NT5M: variants seen among roughly 807,000 people sequenced by gnomAD.
NT5M encodes the protein 5'(3')-deoxyribonucleotidase, mitochondrial.
A neutral mutation model predicts 22.2 loss-of-function variants in NT5M; 22 were observed. The ratio of observed to expected loss-of-function variants is 0.99; its 90% CI spans 0.71 to 1.41. NT5M has a LOEUF of 1.41. Ranked by LOEUF, NT5M falls within the 40% of genes most tolerant of loss-of-function variation. NT5M has a pLI of 0.00. For missense variants in NT5M, 322 were observed against 314.8 expected (o/e 1.02, Z -0.17); for synonymous variants, 167 against 133.0 (o/e 1.26, Z -1.76).
intron 3 of NT5M, among the ~76,000 whole-genome samples, chr17:17,337,273 G>T (rs530283664): frequency 1.8e-4 from 28 of 152,108 alleles, no homozygotes; most frequent in African/African-American, 6.5e-4. Context: ...ACAGGATCTC[G>T]CTCTGTAGCT....
rs148294159 is a variant in NT5M at position 17,325,903 on chromosome 17, A to G, written c.429+2658A>G. Among the ~76,000 whole-genome samples the G allele has an allele frequency of 4.7e-4, 72 of 152,154 alleles. 1 individual carries two copies. The East Asian group carries it at 0.013, about 27-fold the overall frequency. ...TTCTCCATCTTGTTTTTTGGATGAC[A>G]CTTCCCACCACTTGAAATGGGTTTG... On this transcript the variant is annotated intron_variant, in intron 3 of 4. Coordinates refer to ENST00000389022, the MANE Select transcript of NT5M (RefSeq NM_020201.4).
rs1164729200 is a variant in NT5M at position 17,347,215 on chromosome 17, C to T, written c.*268C>T. 6.0e-6 allele frequency: 3 copies of T among 498,366 alleles called. No individual in the cohort carries two copies. Among genetic ancestry groups the T allele is most frequent in the Admixed American group, 3.7e-5 (1 of 26,964 alleles). 30.9% of individuals were successfully genotyped at this position (498,366 alleles called of 1,614,324 possible). On this transcript the variant is annotated 3_prime_UTR_variant, in exon 5 of 5. Transcript: ENST00000389022. ...CAGCAGGCACCAAGCTGCCAGAAGC[C>T]CAGGGGCTCAGGACAGGGAGGAGTT...
At chr17:17,305,900 C>T (rs2048791311) in intron 1 of NT5M, among the ~76,000 whole-genome samples, 1 of 152,184 alleles carries the variant, frequency 6.6e-6, no homozygotes, top group South Asian at 2.1e-4. Context: ...AGGTGGATCT[C>T]TTCCCCGTTC....
chr17:17,317,251 G>A (rs1014414504), intron 2 of NT5M, among the ~76,000 whole-genome samples: 24 of 147,284 alleles, frequency 1.6e-4, no homozygotes, highest in African/African-American at 5.5e-4. Flanking sequence ...GGGTTTCACC[G>A]TATTAGCCAG....
chr17:17,329,049 C>G (rs1047722932), intron 3 of NT5M, among the ~76,000 whole-genome samples: 3 of 152,176 alleles, frequency 2.0e-5, no homozygotes, highest in African/African-American at 7.2e-5. Context: ...GTGATCTTGG[C>G]TCACTGCAAG....
chr17:17,343,350 G>A (rs1332041410), intron 3 of NT5M, among the ~76,000 whole-genome samples: 1 of 152,178 alleles, frequency 6.6e-6, no homozygotes, highest in Non-Finnish European at 1.5e-5. Flanking sequence ...GCATAATACA[G>A]TCAAGCAGTG....
chr17:17,338,459 C>G (rs924485456), intron 3 of NT5M, among the ~76,000 whole-genome samples: 2 of 152,132 alleles, frequency 1.3e-5, no homozygotes, highest in African/African-American at 2.4e-5. Context: ...TCCCAAAGTG[C>G]TGGGATTTCA....
At chr17:17,337,049 A>G (rs1038100076) in intron 3 of NT5M, among the ~76,000 whole-genome samples, 3 of 152,188 alleles carry the variant, frequency 2.0e-5, no homozygotes, top group East Asian at 3.9e-4. Context: ...AGGAACTGCC[A>G]TTATATTCCT....
chr17:17,330,194 G>T (rs940477578), intron 3 of NT5M, among the ~76,000 whole-genome samples: 2 of 151,380 alleles, frequency 1.3e-5, no homozygotes, highest in African/African-American at 2.4e-5. Context: ...CAGCTACTTG[G>T]GAGGCTGAGG....
At chr17:17,324,368 CAG>C (rs2049220771) in intron 3 of NT5M, among the ~76,000 whole-genome samples, 1 of 151,546 alleles carries the variant, frequency 6.6e-6, no homozygotes, top group Non-Finnish European at 1.5e-5. Context: ...CCTGTAGTCC[CAG>C]CTACTTGGGA....
chr17:17,308,873 T>C (rs1327157144), intron 2 of NT5M, among the ~76,000 whole-genome samples: 1 of 152,192 alleles, frequency 6.6e-6, no homozygotes, highest in Non-Finnish European at 1.5e-5. Context: ...TGGGTCTGGC[T>C]TCTTTCATTT....
chr17:17,340,561 C>T (rs548190295), intron 3 of NT5M, among the ~76,000 whole-genome samples: 1 of 151,276 alleles, frequency 6.6e-6, no homozygotes. Context: ...GAGCCTTGCT[C>T]TGTCGCCCAG....
At chr17:17,309,829 T>A (rs2048887656) in intron 2 of NT5M, among the ~76,000 whole-genome samples, 1 of 149,766 alleles carries the variant, frequency 6.7e-6, no homozygotes, top group African/African-American at 2.5e-5. Context: ...TTTGTGGTTT[T>A]TGTTTTTTTT....
In NT5M at chr17:17,318,085, CCAGCAACACTATTCA is replaced by C. The variant is rs1321213785; in HGVS notation, c.369-5092_369-5078del. ...AAACAAATACTAGTACCCGAATGTC[CCAGCAACACTATTCA>C]CAGCAACCCCAAGTATCCACTAAGT... On this transcript the variant is annotated intron_variant, in intron 2 of 4. Transcript: ENST00000389022. 5.9e-5 allele frequency among the ~76,000 whole-genome samples: 9 copies of C among 152,150 alleles called. No homozygotes were observed. In the South Asian group the frequency reaches 1.9e-3, roughly 32 times the overall value.
chr17:17,304,558 C>A, intron 1 of NT5M: 1 of 506,754 alleles, frequency 2.0e-6, no homozygotes, highest in Non-Finnish European at 2.5e-6. Flanking sequence ...TGTTTTTTGG[C>A]ATCCCTTGAT....
In NT5M at chr17:17,341,211, A is replaced by C. The variant is rs1431261079; in HGVS notation, c.430-3583A>C. Reference sequence around the variant, plus strand: ...ACCTTGTATCCTGTTAGTTTGCCAAATTAACAGTTCTAGTTGCTTTATGTA... The same window carrying C: ...ACCTTGTATCCTGTTAGTTTGCCAACTTAACAGTTCTAGTTGCTTTATGTA... On this transcript the variant is annotated intron_variant, in intron 3 of 4. Transcript: ENST00000389022. Among the ~76,000 whole-genome samples the C allele has an allele frequency of 2.0e-5, 3 of 152,150 alleles. No homozygotes were observed. The East Asian group carries it at 5.8e-4, about 29-fold the overall frequency.
chr17:17,309,124 T>C (rs955649783), intron 2 of NT5M, among the ~76,000 whole-genome samples: 1 of 142,840 alleles, frequency 7.0e-6, no homozygotes, highest in Non-Finnish European at 1.5e-5. Flanking sequence ...TTTTTCTTTC[T>C]TTCTTTTTTT....
chr17:17,344,460 G>T (rs926249820), intron 3 of NT5M, among the ~76,000 whole-genome samples: 1 of 152,194 alleles, frequency 6.6e-6, no homozygotes, highest in South Asian at 2.1e-4. Context: ...GGTGGCAGGG[G>T]TGGCACACAT....
At chr17:17,338,765 C>T (rs543797891) in intron 3 of NT5M, among the ~76,000 whole-genome samples, 1 of 113,670 alleles carries the variant, frequency 8.8e-6, no homozygotes, top group Non-Finnish European at 1.7e-5. Context: ...CTTACTCTGT[C>T]ACCCAAGCTG....
Sources: gnomAD v4.1 joint callset for allele counts (sites outside exome capture counted in the v4.1 genomes callset) on GRCh38, gnomAD v4.1.1 for gene constraint, MANE v1.5 for transcripts, NCBI Gene and HGNC (gene_info 2026-07-23, HGNC 2026-07-21) for gene names.